LEMD3: variants seen among roughly 807,000 people sequenced by gnomAD.
The protein encoded by LEMD3 is LEM domain containing 3, also known as inner nuclear membrane protein Man1.
A neutral mutation model predicts 95.2 loss-of-function variants in LEMD3; 33 were observed. The ratio of observed to expected loss-of-function variants is 0.35; its 90% confidence interval spans 0.26 to 0.46. The LOEUF is 0.46. Ranked by LOEUF, LEMD3 falls within the 20% of genes least tolerant of loss-of-function variation. LEMD3 has a pLI of 1.00. For missense variants in LEMD3, 1,210 were observed against 1,192.8 expected (o/e 1.01, Z -0.21); for synonymous variants, 525 against 474.6 (o/e 1.11, Z -1.38).
At chr12:65,194,226 C>T (rs1869337942) in intron 1 of LEMD3, among the ~76,000 whole-genome samples, 1 of 152,142 alleles carries the variant, frequency 6.6e-6, no homozygotes, top group South Asian at 2.1e-4. Context: ...AAAGTTAGCC[C>T]ACTGTATTCT....
intron 1 of LEMD3, among the ~76,000 whole-genome samples, chr12:65,174,536 A>G (rs1868654603): frequency 6.6e-6 from 1 of 152,138 alleles, no homozygotes. Flanking sequence ...GAAACAGTGA[A>G]TGGTTATTGT....
intron 4 of LEMD3, among the ~76,000 whole-genome samples, chr12:65,225,502 A>G (rs1870419487): frequency 6.6e-6 from 1 of 152,136 alleles, no homozygotes; most frequent in Admixed American, 6.5e-5. Context: ...CTCATAGTTT[A>G]TAATCTTTTG....
chr12:65,180,142 C>T (rs1868857037), intron 1 of LEMD3, among the ~76,000 whole-genome samples: 1 of 152,012 alleles, frequency 6.6e-6, no homozygotes. Context: ...GATGAGGTTT[C>T]ACCATGTTGG....
At chr12:65,194,293 G>C (rs1869340201) in intron 1 of LEMD3, among the ~76,000 whole-genome samples, 1 of 152,178 alleles carries the variant, frequency 6.6e-6, no homozygotes, top group Admixed American at 6.5e-5. Context: ...GATTTATCAA[G>C]AGAGGGGAAT....
intron 2 of LEMD3, among the ~76,000 whole-genome samples, chr12:65,211,473 T>G (rs1363897483): frequency 6.6e-6 from 1 of 152,198 alleles, no homozygotes; most frequent in African/African-American, 2.4e-5. Flanking sequence ...AATACTAATT[T>G]TAACCTAAAT....
In LEMD3 at chr12:65,171,033, T is replaced by G. The variant is rs149129862; in HGVS notation, c.1437T>G (p.Thr479=). 1.2e-6 allele frequency: 2 copies of G among 1,614,248 alleles called. No homozygotes were observed. Among genetic ancestry groups the G allele is most frequent in the African/African-American group, 2.7e-5 (2 of 75,072 alleles). ...SAHYLSMFLL[T]AACLFFLILG... Reference sequence around the variant, plus strand: ...ACTACTTGTCGATGTTTCTCTTAACTGCTGCCTGCTTATTTTTCCTAATAC... The same window carrying G: ...ACTACTTGTCGATGTTTCTCTTAACGGCTGCCTGCTTATTTTTCCTAATAC... Residue 479 remains threonine, a synonymous_variant, in exon 1 of 13, where the codon ACT becomes ACG. Transcript: ENST00000308330.
At chr12:65,185,104 ACAC>A (rs1869020633) in intron 1 of LEMD3, among the ~76,000 whole-genome samples, 1 of 152,068 alleles carries the variant, frequency 6.6e-6, no homozygotes, top group African/African-American at 2.4e-5. Flanking sequence ...CTACAGGCAC[ACAC>A]CACCAAGTCT....
Position 65,170,500 on chromosome 12 carries a change from G to A in LEMD3, c.904G>A (p.Ala302Thr), listed in dbSNP as rs374194981. The change falls in exon 1 of 13, where the codon GCC becomes ACC. Residue 302 changes from alanine (A) to threonine (T), a missense_variant. Ala to Thr is a moderately conservative substitution (Grantham distance 58). Around this residue, in one of 2 missense-constraint regions of LEMD3, gnomAD observed 749 missense variants for 622.9 expected, o/e 1.20. Coordinates refer to ENST00000308330, the MANE Select transcript of LEMD3 (RefSeq NM_014319.5). ...KPLPPLTAKS[A>T]GGRLETSVQG... Reference sequence around the variant, plus strand: ...TCTCCCCCCGCTGACTGCTAAATCGGCCGGCGGCAGGCTGGAGACTTCAGT... The same window carrying A: ...TCTCCCCCCGCTGACTGCTAAATCGACCGGCGGCAGGCTGGAGACTTCAGT... The A allele has an allele frequency of 6.2e-7, 1 of 1,614,128 alleles. No individual in the cohort carries two copies. Among genetic ancestry groups the A allele is most frequent in the Non-Finnish European group, 8.5e-7 (1 of 1,180,020 alleles).
At chr12:65,219,128 T>G (rs1261296810) in intron 4 of LEMD3, among the ~76,000 whole-genome samples, 1 of 152,158 alleles carries the variant, frequency 6.6e-6, no homozygotes, top group East Asian at 1.9e-4. Flanking sequence ...TATGAGAGAA[T>G]GCATATTAAT....
chr12:65,211,049 A>G, intron 2 of LEMD3, 86 bp downstream of exon 2: 1 of 999,516 alleles, frequency 1.0e-6, no homozygotes, highest in Non-Finnish European at 1.6e-6. Flanking sequence ...AAAAAAAAGT[A>G]ATTTTAAAGT....
chr12:65,193,644 C>T (rs1350075923), intron 1 of LEMD3, among the ~76,000 whole-genome samples: 4 of 151,936 alleles, frequency 2.6e-5, no homozygotes, highest in East Asian at 3.9e-4. Flanking sequence ...TGGGAGACTG[C>T]GGATCCCTGG....
intron 4 of LEMD3, among the ~76,000 whole-genome samples, chr12:65,233,871 C>T (rs1870700804): frequency 6.6e-6 from 1 of 152,048 alleles, no homozygotes; most frequent in East Asian, 1.9e-4. Context: ...AAATAAAGAA[C>T]ATTTGGGAGA....
intron 2 of LEMD3, 95 bp downstream of exon 2, chr12:65,211,058 G>A: frequency 2.2e-6 from 2 of 925,610 alleles, no homozygotes; most frequent in Non-Finnish European, 3.5e-6. Flanking sequence ...TAATTTTAAA[G>A]TTATTTTAGT....
intron 9 of LEMD3, 61 bp from the exon 10 acceptor site, chr12:65,243,327 T>C: frequency 9.9e-7 from 1 of 1,007,768 alleles, no homozygotes; most frequent in Non-Finnish European, 1.6e-6. Context: ...AACTGAATGA[T>C]TGAATACCTT....
At position 65,247,854 on chromosome 12, in the gene LEMD3, A is replaced by G. The variant is rs1030093335; in HGVS notation, c.*1529A>G. On this transcript the variant is annotated 3_prime_UTR_variant, in exon 13 of 13. Coordinates refer to ENST00000308330, the MANE Select transcript of LEMD3 (RefSeq NM_014319.5). ...TTTGTGGGCACCTTGTTTATGAAGA[A>G]TAAAAAATGATTTGTTATCTGAAGA... 6.6e-6 allele frequency: 1 copy of G among 152,610 alleles called. No individual in the cohort carries two copies. Among genetic ancestry groups the G allele is most frequent in the Non-Finnish European group, 1.5e-5 (1 of 68,020 alleles). The allele number at this position is 152,610 out of a possible 1,614,324, so 9.5% of individuals were successfully genotyped here.
At chr12:65,239,850 G>T in intron 6 of LEMD3, 79 bp from the exon 7 acceptor site, 1 of 925,524 alleles carries the variant, frequency 1.1e-6, no homozygotes, top group African/African-American at 1.7e-5. Context: ...TTCCGTTGTG[G>T]CAGTTAAAAT....
chr12:65,207,416 A>G (rs1026829899), intron 1 of LEMD3, among the ~76,000 whole-genome samples: 6 of 151,814 alleles, frequency 4.0e-5, no homozygotes, highest in African/African-American at 9.7e-5. Flanking sequence ...AAGGTAGTAC[A>G]TTACTGAGAT....
chr12:65,247,598 G>C lies in LEMD3; in HGVS notation c.*1273G>C, dbSNP rs1476114834. ...TAAATTTTACTTGTAATCTACAATT[G>C]GCTTTTTAAAAATAACCTGTTGATA... On this transcript the variant is annotated 3_prime_UTR_variant, in exon 13 of 13. Coordinates refer to ENST00000308330, the MANE Select transcript of LEMD3 (RefSeq NM_014319.5). 2 of 152,056 alleles carry C rather than the reference G, an allele frequency of 1.3e-5. No individual in the cohort carries two copies. Among genetic ancestry groups the C allele is most frequent in the African/African-American group, 4.8e-5 (2 of 41,398 alleles). 9.4% of individuals were successfully genotyped at this position (152,056 alleles called of 1,614,324 possible).
At chr12:65,193,218 A>G (rs974335233) in intron 1 of LEMD3, among the ~76,000 whole-genome samples, 5 of 152,186 alleles carry the variant, frequency 3.3e-5, no homozygotes, top group Non-Finnish European at 7.3e-5. Flanking sequence ...TTAAAGCAGG[A>G]GTGAAAGCTT....
Sources: allele counts gnomAD v4.1 joint callset (sites outside exome capture counted in the v4.1 genomes callset), GRCh38; gene constraint gnomAD v4.1.1; regional missense constraint gnomAD v4.1.1; transcripts MANE v1.5; gene names NCBI Gene and HGNC (gene_info 2026-07-23, HGNC 2026-07-21).